Variants in ADCYAP1R1 observed in about 807,000 individuals in gnomAD.
The protein encoded by ADCYAP1R1 is pituitary adenylate cyclase-activating polypeptide type I receptor.
In ADCYAP1R1, 44 loss-of-function variants were observed where a neutral mutation model predicts 67.6. That is an observed-to-expected ratio of 0.65 (90% CI 0.51 to 0.84). The LOEUF is 0.84. ADCYAP1R1 is among the 40% of genes least tolerant of loss of function. The pLI is 0.00. For synonymous variants in ADCYAP1R1, 222 were observed against 219.6 expected, an observed-to-expected ratio of 1.01 and a Z score of -0.10; for missense variants, 477 against 587.9, an observed-to-expected ratio of 0.81 and a Z score of 1.95.
chr7:31,084,781 C>T lies in ADCYAP1R1; in HGVS notation c.483C>T (p.Tyr161=), dbSNP rs376281878. The T allele has an allele frequency of 2.5e-6, 4 of 1,614,010 alleles. No homozygotes were observed. Among genetic ancestry groups the T allele is most frequent in the African/African-American group, 1.3e-5 (1 of 74,910 alleles). ...LSVKALYTVG[Y]STSLVTLTTA... The stretch of plus-strand genomic sequence containing the variant: ...TGAAGGCCCTCTACACGGTTGGCTA[C>T]AGCACATCCCTCGTCACCCTCACCA... The change falls in exon 8 of 16, where the codon TAC becomes TAT. Residue 161 remains tyrosine (Y), a synonymous_variant. Transcript: ENST00000304166.
intron 1 of ADCYAP1R1, among the ~76,000 whole-genome samples, chr7:31,052,966 G>T (rs1418273361): frequency 6.6e-6 from 1 of 152,260 alleles, no homozygotes; most frequent in African/African-American, 2.4e-5. Flanking sequence ...GACTGCCGGG[G>T]TGGGGGTCGA....
intron 1 of ADCYAP1R1, among the ~76,000 whole-genome samples, chr7:31,053,776 G>T (rs144641079): frequency 2.6e-5 from 4 of 152,220 alleles, no homozygotes; most frequent in South Asian, 2.1e-4. Flanking sequence ...TCCCATGAGC[G>T]GCCCTGGGGA....
intron 6 of ADCYAP1R1, 36 bp downstream of exon 6, chr7:31,081,790 T>C: frequency 1.3e-6 from 2 of 1,566,378 alleles, no homozygotes; most frequent in Non-Finnish European, 1.7e-6. Context: ...ATGGACTGGC[T>C]GGAGGGAGGG....
intron 13 of ADCYAP1R1, 23 bp from the exon 14 acceptor site, chr7:31,103,214 G>C: frequency 6.2e-7 from 1 of 1,613,216 alleles, no homozygotes. Flanking sequence ...CCCCAGAGCA[G>C]ATGTTTTGCT....
At chr7:31,078,331 C>T (rs1584505711) in intron 4 of ADCYAP1R1, among the ~76,000 whole-genome samples, 1 of 152,268 alleles carries the variant, frequency 6.6e-6, no homozygotes, top group South Asian at 2.1e-4. Flanking sequence ...GCGTGGGATC[C>T]ATGCCAGCTG....
intron 13 of ADCYAP1R1, among the ~76,000 whole-genome samples, chr7:31,101,242 G>A (rs898286423): frequency 1.3e-5 from 2 of 152,180 alleles, no homozygotes; most frequent in Non-Finnish European, 2.9e-5. Context: ...TACCATCACT[G>A]CATCCACCTT....
intron 12 of ADCYAP1R1, 58 bp from the exon 13 acceptor site, chr7:31,092,586 A>G: frequency 7.1e-7 from 1 of 1,404,466 alleles, no homozygotes; most frequent in South Asian, 1.2e-5. Flanking sequence ...TGCTGGGGAA[A>G]TAATAGCATC....
Position 31,078,088 on chromosome 7 carries a change from C to A in ADCYAP1R1, c.255C>A (p.Asn85Lys). ...GCCCTGAGCTCTTCCGAATCTTCAA[C>A]CCAGACCAAGGTGGGTTTAGCCCAG... ...VSCPELFRIF[N>K]PDQVWETETI... is the part of the protein sequence containing the mutation. Residue 85 changes from asparagine (N) to lysine (K), a missense_variant, in exon 4 of 16, where the codon AAC (asparagine) becomes AAA (lysine). Physicochemically the swap from Asn to Lys is moderately conservative, Grantham distance 94. Transcript: ENST00000304166. 1 of 1,610,964 alleles carries A rather than the reference C, an allele frequency of 6.2e-7. No individual in the cohort carries two copies. The highest frequency in any genetic ancestry group is 8.5e-7 in the Non-Finnish European group (1 of 1,178,446).
At chr7:31,056,566 T>C (rs866845996) in intron 1 of ADCYAP1R1, among the ~76,000 whole-genome samples, 73 of 151,996 alleles carry the variant, frequency 4.8e-4, no homozygotes, top group African/African-American at 1.7e-3. Context: ...ACCTCTCTCA[T>C]TTTTCCGTGT....
chr7:31,081,559 G>A (rs761835926), intron 5 of ADCYAP1R1, among the ~76,000 whole-genome samples, 154 bp from the exon 6 acceptor site: 9 of 152,216 alleles, frequency 5.9e-5, no homozygotes, highest in Non-Finnish European at 1.2e-4. Flanking sequence ...TGAGAAAGGT[G>A]CGCGGCTGCT....
intron 1 of ADCYAP1R1, among the ~76,000 whole-genome samples, chr7:31,053,541 C>A (rs1794116460): frequency 6.6e-6 from 1 of 152,202 alleles, no homozygotes; most frequent in East Asian, 1.9e-4. Context: ...GGAACCCAGC[C>A]GGAAGCCGAT....
intron 3 of ADCYAP1R1, among the ~76,000 whole-genome samples, chr7:31,068,132 T>C (rs529565059): frequency 1.3e-5 from 2 of 152,170 alleles, no homozygotes; most frequent in African/African-American, 2.4e-5. Context: ...GTAAGGTGGG[T>C]GGGCACCGTA....
intron 13 of ADCYAP1R1, among the ~76,000 whole-genome samples, chr7:31,093,692 C>T (rs1034677391): frequency 6.6e-6 from 1 of 152,134 alleles, no homozygotes; most frequent in Non-Finnish European, 1.5e-5. Context: ...TGTGGCTTCT[C>T]CGCTCCTTCA....
intron 6 of ADCYAP1R1, among the ~76,000 whole-genome samples, chr7:31,083,057 T>G (rs1584512737): frequency 6.6e-6 from 1 of 152,392 alleles, no homozygotes; most frequent in Non-Finnish European, 1.5e-5. Context: ...AGGGGAGGTT[T>G]CTGTCCAGCA....
At chr7:31,084,681 G>A in intron 7 of ADCYAP1R1, 56 bp from the exon 8 acceptor site, 1 of 1,473,486 alleles carries the variant, frequency 6.8e-7, no homozygotes, top group Non-Finnish European at 9.5e-7. Flanking sequence ...GCCTGAGGCA[G>A]CCTGGCTGTG....
In ADCYAP1R1 at chr7:31,075,570, C is replaced by A. The variant is rs62446966; in HGVS notation, c.158-2421C>A. Among the ~76,000 whole-genome samples the A allele has an allele frequency of 7.7e-3, 1,172 of 152,296 alleles. 7 individuals carry two copies. Among genetic ancestry groups the A allele is most frequent in the South Asian group, 0.019 (92 of 4,828 alleles). On this transcript the variant is annotated intron_variant, in intron 3 of 15. Transcript: ENST00000304166. ...GTTCTCCAGGGTTCCTTCCTCCATG[C>A]TCTTCTCACTTTATGTCCCTTCTCA...
chr7:31,092,562 G>A, intron 12 of ADCYAP1R1, 82 bp from the exon 13 acceptor site: 2 of 1,052,756 alleles, frequency 1.9e-6, no homozygotes, highest in Non-Finnish European at 2.9e-6. Flanking sequence ...TCTTGACTAG[G>A]TGGGGGAGGG....
intron 5 of ADCYAP1R1, among the ~76,000 whole-genome samples, 156 bp from the exon 6 acceptor site, chr7:31,081,557 G>C (rs776735904): frequency 6.6e-6 from 1 of 152,208 alleles, no homozygotes; most frequent in Non-Finnish European, 1.5e-5. Flanking sequence ...TGTGAGAAAG[G>C]TGCGCGGCTG....
intron 2 of ADCYAP1R1, among the ~76,000 whole-genome samples, chr7:31,063,719 G>A (rs1474263881): frequency 2.0e-5 from 3 of 152,130 alleles, no homozygotes; most frequent in Admixed American, 1.3e-4. Context: ...AGGTGGGGAT[G>A]GGGAGTGAGC....
Sources: gnomAD v4.1 joint callset for allele counts (sites outside exome capture counted in the v4.1 genomes callset) on GRCh38, gnomAD v4.1.1 for gene constraint, MANE v1.5 for transcripts, NCBI Gene and HGNC (gene_info 2026-07-23, HGNC 2026-07-21) for gene names.